IL1RAPL2: variants seen among roughly 807,000 people sequenced by gnomAD.
IL1RAPL2 encodes the protein X-linked interleukin-1 receptor accessory protein-like 2.
In IL1RAPL2, 3 loss-of-function variants were observed where a neutral mutation model predicts 44.1. The observed-to-expected ratio is 0.07, with a 90% CI of 0.03 to 0.18. IL1RAPL2 has a LOEUF of 0.18. IL1RAPL2 is among the 10% of genes least tolerant of loss of function. IL1RAPL2 has a pLI of 1.00. For missense variants in IL1RAPL2, 391 were observed against 496.4 expected (o/e 0.79, Z 2.02); for synonymous variants, 181 against 178.8 (o/e 1.01, Z -0.10).
At chrX:104,649,927 A>G (rs1569289616) in intron 1 of IL1RAPL2, among the ~76,000 whole-genome samples, 1 of 112,299 alleles carries the variant, frequency 8.9e-6, no homozygotes, top group South Asian at 3.7e-4. Flanking sequence ...ATTGAAGCAT[A>G]ACATCATTAC....
intron 2 of IL1RAPL2, among the ~76,000 whole-genome samples, chrX:104,856,931 C>G (rs1173574076): frequency 8.9e-6 from 1 of 112,442 alleles, no homozygotes; most frequent in East Asian, 2.8e-4. Context: ...CTGCTTTTAA[C>G]TATTCTGGTT....
At chrX:105,513,496 G>T (rs1335270478) in intron 6 of IL1RAPL2, among the ~76,000 whole-genome samples, 9 of 111,843 alleles carry the variant, frequency 8.0e-5, no homozygotes, top group African/African-American at 2.9e-4. Flanking sequence ...TTGTAGTTTT[G>T]ATTTGCATTT....
At chrX:105,313,846 G>A (rs1299516943) in intron 5 of IL1RAPL2, among the ~76,000 whole-genome samples, 1 of 111,053 alleles carries the variant, frequency 9.0e-6, no homozygotes, top group Non-Finnish European at 1.9e-5. Flanking sequence ...CGGGAATGGA[G>A]GGGTGGGGAA....
At chrX:105,057,509 T>C (rs1448212656) in intron 2 of IL1RAPL2, among the ~76,000 whole-genome samples, 2 of 111,903 alleles carry the variant, frequency 1.8e-5, no homozygotes, top group Admixed American at 1.9e-4. Flanking sequence ...TGAGGCCTCC[T>C]TACCTATTTC....
chrX:105,654,320 G>A (rs1451497183), intron 6 of IL1RAPL2, among the ~76,000 whole-genome samples: 8 of 110,760 alleles, frequency 7.2e-5, no homozygotes, highest in Non-Finnish European at 1.9e-5. Context: ...TTTTCTTTTA[G>A]GCCACTTAGC....
intron 2 of IL1RAPL2, among the ~76,000 whole-genome samples, chrX:104,944,638 A>C (rs7060971): frequency 1.2e-4 from 13 of 111,831 alleles, no homozygotes; most frequent in African/African-American, 3.9e-4. Flanking sequence ...CTTATACTCT[A>C]AGTTATATGA....
intron 6 of IL1RAPL2, among the ~76,000 whole-genome samples, chrX:105,604,942 A>G (rs751825975): frequency 3.8e-4 from 42 of 110,806 alleles, no homozygotes; most frequent in African/African-American, 1.4e-3. Flanking sequence ...TGTCTTCATG[A>G]TAAAAAAAAA....
Position 105,276,783 on chromosome X carries a change from A to C in IL1RAPL2, c.697+9242A>C, listed in dbSNP as rs891437691. Among the ~76,000 whole-genome samples the C allele has an allele frequency of 1.1e-4, 12 of 112,060 alleles. No individual in the cohort carries two copies. In the East Asian group the frequency reaches 3.4e-3, roughly 32 times the overall value. On this transcript the variant is annotated intron_variant, in intron 5 of 10. Transcript: ENST00000372582. ...AAACAAGCGACTGACTGTGTGACTG[A>C]CTCAGACTCTGTTCCACTATTTCCA... is the stretch of plus-strand genomic sequence containing the variant.
chrX:104,952,358 A>G (rs1925606240), intron 2 of IL1RAPL2, among the ~76,000 whole-genome samples: 2 of 112,018 alleles, frequency 1.8e-5, no homozygotes, highest in Non-Finnish European at 3.8e-5. Flanking sequence ...CGAGGCCAAA[A>G]TAGCATGCCT....
At chrX:104,730,465 ATGTG>A (rs1175132975) in intron 2 of IL1RAPL2, among the ~76,000 whole-genome samples, 19 of 100,889 alleles carry the variant, frequency 1.9e-4, no homozygotes, top group Non-Finnish European at 3.2e-4. Context: ...GAGTGAGAAC[ATGTG>A]GTGTTTGGTT....
At chrX:104,667,465 A>G (rs1039364341) in intron 2 of IL1RAPL2, among the ~76,000 whole-genome samples, 1 of 111,464 alleles carries the variant, frequency 9.0e-6, no homozygotes, top group Non-Finnish European at 1.9e-5. Context: ...GGCACTTTAC[A>G]TACATTGTCT....
intron 6 of IL1RAPL2, among the ~76,000 whole-genome samples, chrX:105,486,487 G>T (rs1238725569): frequency 9.0e-6 from 1 of 110,823 alleles, no homozygotes; most frequent in Non-Finnish European, 1.9e-5. Context: ...ATATTGTTTT[G>T]CAGTCATTAT....
At chrX:105,723,807 C>T (rs1044693176) in intron 7 of IL1RAPL2, among the ~76,000 whole-genome samples, 3 of 111,038 alleles carry the variant, frequency 2.7e-5, no homozygotes. Flanking sequence ...TAATCCCATT[C>T]ATGAGTGGGG....
At chrX:105,491,010 A>G (rs1424437045) in intron 6 of IL1RAPL2, among the ~76,000 whole-genome samples, 1 of 111,975 alleles carries the variant, frequency 8.9e-6, no homozygotes, top group Non-Finnish European at 1.9e-5. Context: ...CAAGAATAGA[A>G]CCTTTTGAAA....
rs770338627 is a variant in IL1RAPL2 at position 105,284,407 on chromosome X, CCTGT to C, written c.697+16871_697+16874del. Among the ~76,000 whole-genome samples the C allele has an allele frequency of 3.1e-3, 347 of 112,126 alleles. 1 individual carries two copies. The highest frequency in any genetic ancestry group is 0.011 in the African/African-American group (334 of 30,903). The stretch of plus-strand genomic sequence containing the variant: ...AGATTTCCTTGCTATTGAATAAAAG[CCTGT>C]CTGTAAGTGTCTGGTGCACATGCAC... On this transcript the variant is annotated intron_variant, in intron 5 of 10. Coordinates refer to ENST00000372582, the MANE Select transcript of IL1RAPL2 (RefSeq NM_017416.2).
chrX:105,406,282 T>C, intron 5 of IL1RAPL2: 2 of 1,053,060 alleles, frequency 1.9e-6, no homozygotes, highest in African/African-American at 3.7e-5. Flanking sequence ...ATAGAGGCGC[T>C]TTCTTAATTG....
chrX:104,805,299 C>T (rs1041910960), intron 2 of IL1RAPL2, among the ~76,000 whole-genome samples: 1 of 111,924 alleles, frequency 8.9e-6, no homozygotes, highest in Non-Finnish European at 1.9e-5. Context: ...GTCATCACCA[C>T]GGTCTGATTG....
chrX:105,169,508 T>A (rs1431811971), intron 2 of IL1RAPL2, among the ~76,000 whole-genome samples: 2 of 77,745 alleles, frequency 2.6e-5, no homozygotes, highest in South Asian at 7.0e-4. Flanking sequence ...TTTTTTTTTT[T>A]TTTTTTTTTT....
At chrX:104,627,086 G>A (rs1044123108) in intron 1 of IL1RAPL2, among the ~76,000 whole-genome samples, 36 of 109,913 alleles carry the variant, frequency 3.3e-4, no homozygotes, top group Non-Finnish European at 3.8e-4. Flanking sequence ...TAAAGTGCTG[G>A]GATTACAGGC....
Sources: allele counts gnomAD v4.1 joint callset (sites outside exome capture counted in the v4.1 genomes callset), GRCh38; gene constraint gnomAD v4.1.1; transcripts MANE v1.5; gene names NCBI Gene and HGNC (gene_info 2026-07-23, HGNC 2026-07-21).